The following CBR4 variants were observed in gnomAD, a reference collection of about 807,000 sequenced individuals.
CBR4 encodes 3-oxoacyl-[acyl-carrier-protein] reductase.
A neutral mutation model predicts 21.0 loss-of-function variants in CBR4; 22 were observed. The observed-to-expected ratio is 1.05, with a 90% CI of 0.75 to 1.50. CBR4 has a LOEUF of 1.50. Among genes scored for constraint, CBR4 ranks in the 40% most tolerant of loss-of-function variants. The pLI is 0.00. For missense variants in CBR4, 302 were observed against 286.3 expected (o/e 1.05, Z -0.40); for synonymous variants, 100 against 104.4 (o/e 0.96, Z 0.26).
At chr4:168,955,524 A>G (rs1007412212) in intron 2 of CBR4, among the ~76,000 whole-genome samples, 1 of 152,210 alleles carries the variant, frequency 6.6e-6, no homozygotes, top group Admixed American at 6.5e-5. Context: ...ATTTTATGCT[A>G]CTATAGTTTT....
At chr4:168,956,978 A>G (rs1763707270) in intron 2 of CBR4, among the ~76,000 whole-genome samples, 1 of 152,238 alleles carries the variant, frequency 6.6e-6, no homozygotes, top group South Asian at 2.1e-4. Context: ...TCAAAATTCC[A>G]GTAAAGATAT....
chr4:168,902,042 G>C (rs1286888469), intron 2 of CBR4, among the ~76,000 whole-genome samples: 1 of 152,142 alleles, frequency 6.6e-6, no homozygotes, highest in Non-Finnish European at 1.5e-5. Flanking sequence ...TGAAAAGTTA[G>C]AGCAGTCATA....
chr4:168,908,161 G>A (rs1758198273), intron 2 of CBR4, among the ~76,000 whole-genome samples: 1 of 152,148 alleles, frequency 6.6e-6, no homozygotes, highest in Admixed American at 6.6e-5. Context: ...AATTCCAAGA[G>A]TAAAACCCCT....
At chr4:168,935,685 G>A (rs544266149) in intron 2 of CBR4, among the ~76,000 whole-genome samples, 190 of 152,308 alleles carry the variant, frequency 1.2e-3, no homozygotes, top group African/African-American at 4.1e-3. Context: ...GCTTGGCAAA[G>A]CCACTGTAGC....
intron 2 of CBR4, among the ~76,000 whole-genome samples, chr4:168,969,569 C>G (rs907731220): frequency 6.6e-6 from 1 of 152,142 alleles, no homozygotes; most frequent in Non-Finnish European, 1.5e-5. Context: ...TCAACAGATT[C>G]AAAGCATGAG....
chr4:168,950,987 G>A (rs1763525130), intron 2 of CBR4, among the ~76,000 whole-genome samples: 1 of 152,168 alleles, frequency 6.6e-6, no homozygotes, highest in Admixed American at 6.5e-5. Flanking sequence ...GTCCTTATGT[G>A]TTAAGTGAGT....
chr4:168,971,436 AT>A (rs70961566), intron 2 of CBR4, among the ~76,000 whole-genome samples: 6 of 114,084 alleles, frequency 5.3e-5, no homozygotes, highest in Admixed American at 1.8e-4. Flanking sequence ...TGCCCAGCTC[AT>A]TTTTTTTTTT....
At position 169,008,189 on chromosome 4, in the gene CBR4, GT is replaced by G. The variant is rs1277607853; in HGVS notation, c.143-434del. ...TTTGGCCCTGAACGGGAACTCTTGG[GT>G]TTCTTCTTTTTAAGTGCTACGGATG... On this transcript the variant is annotated intron_variant, in intron 1 of 4. Transcript: ENST00000306193. 1.5e-3 allele frequency among the ~76,000 whole-genome samples: 224 copies of G among 152,104 alleles called. 3 individuals are homozygous for G. Among genetic ancestry groups the G allele is most frequent in the Non-Finnish European group, 4.6e-4 (31 of 68,004 alleles).
chr4:168,898,303 C>G (rs1015558000), intron 2 of CBR4: 6 of 617,374 alleles, frequency 9.7e-6, no homozygotes, highest in Admixed American at 5.2e-5. Flanking sequence ...TGAAGACAAT[C>G]TGAAATACCA....
In CBR4 at chr4:169,009,939, G is replaced by A. The variant is rs770152182; in HGVS notation, c.142+9C>T. 5.0e-6 allele frequency: 8 copies of A among 1,608,496 alleles called. No individual in the cohort carries two copies. The African/African-American group carries it at 6.7e-5, about 13-fold the overall frequency. On this transcript the variant is annotated intron_variant, in intron 1 of 4. Transcript: ENST00000306193. ...CCATACAACTGGACAACTCCAGTTT[G>A]GTACCTACCGCCGAGGTCACCGGCG...
At chr4:168,905,446 C>G (rs1757521646) in intron 2 of CBR4, among the ~76,000 whole-genome samples, 1 of 151,748 alleles carries the variant, frequency 6.6e-6, no homozygotes, top group Non-Finnish European at 1.5e-5. Context: ...CTGCACCCGG[C>G]CTGAGACTCT....
intron 2 of CBR4, among the ~76,000 whole-genome samples, chr4:168,946,489 T>C (rs1340087721): frequency 6.6e-6 from 1 of 152,220 alleles, no homozygotes; most frequent in Non-Finnish European, 1.5e-5. Context: ...CCATGTGTGA[T>C]ACTGTAAGAT....
At chr4:168,945,301 A>G (rs1763371938) in intron 2 of CBR4, among the ~76,000 whole-genome samples, 1 of 152,190 alleles carries the variant, frequency 6.6e-6, no homozygotes, top group South Asian at 2.1e-4. Context: ...CTCCCTGCTC[A>G]ATTGATACTA....
intron 2 of CBR4, among the ~76,000 whole-genome samples, chr4:168,911,439 A>T (rs779614670): frequency 6.6e-6 from 1 of 152,256 alleles, no homozygotes; most frequent in Admixed American, 6.5e-5. Flanking sequence ...CGCAAAGCAC[A>T]TAATAAGGAA....
At chr4:168,935,618 C>T (rs998104657) in intron 2 of CBR4, among the ~76,000 whole-genome samples, 5 of 152,088 alleles carry the variant, frequency 3.3e-5, no homozygotes, top group African/African-American at 1.2e-4. Flanking sequence ...GGCAGTTATC[C>T]CCTCACGGTA....
chr4:168,916,511 C>A (rs1760135210), intron 2 of CBR4, among the ~76,000 whole-genome samples: 1 of 149,366 alleles, frequency 6.7e-6, no homozygotes, highest in South Asian at 2.2e-4. Flanking sequence ...TAAATATGTT[C>A]TTTACTCAGA....
downstream of CBR4, among the ~76,000 whole-genome samples, chr4:168,983,824 G>A (rs1182753899): frequency 3.3e-5 from 5 of 151,716 alleles, no homozygotes. Context: ...ATCTTCACAA[G>A]AGACAGAGAA....
chr4:168,924,010 A>G (rs898979371), intron 2 of CBR4, among the ~76,000 whole-genome samples: 3 of 152,212 alleles, frequency 2.0e-5, no homozygotes, highest in African/African-American at 7.2e-5. Flanking sequence ...TGTGAAGCAG[A>G]TGGCCAGTGG....
At chr4:168,931,618 AC>A (rs1373437606) in intron 2 of CBR4, among the ~76,000 whole-genome samples, 2 of 151,042 alleles carry the variant, frequency 1.3e-5, no homozygotes, top group African/African-American at 4.9e-5. Context: ...TGGCAGACAC[AC>A]CCCCAGGCCA....
Sources: gnomAD v4.1 joint callset for allele counts (sites outside exome capture counted in the v4.1 genomes callset) on GRCh38, gnomAD v4.1.1 for gene constraint, MANE v1.5 for transcripts, NCBI Gene and HGNC (gene_info 2026-07-23, HGNC 2026-07-21) for gene names.